Variants in UBN1 observed in about 807,000 individuals in gnomAD.
UBN1 encodes ubinuclein-1.
Under a neutral mutation model 108.5 loss-of-function variants are expected in UBN1, and 17 were observed. That is an observed-to-expected ratio of 0.16 (90% CI 0.11 to 0.24). The LOEUF (loss-of-function observed/expected upper bound fraction) is 0.24, where lower values mean the gene tolerates loss of function less well. Among genes scored for constraint, UBN1 ranks in the 10% least tolerant of loss-of-function variants. UBN1 has a pLI of 1.00. For synonymous variants in UBN1, 726 were observed against 564.2 expected (o/e 1.29, Z -4.07); for missense variants, 1,595 against 1,394.4 (o/e 1.14, Z -2.29).
rs1442073566 is a variant in UBN1 at position 4,874,919 on chromosome 16, T to G, written c.2509T>G (p.Cys837Gly). 6.2e-7 allele frequency: 1 copy of G among 1,614,150 alleles called. No individual in the cohort carries two copies. Among genetic ancestry groups the G allele is most frequent in the East Asian group, 2.2e-5 (1 of 44,884 alleles). ...LQGPKASPTQ[C>G]HRSLLQLVKT... is the part of the protein sequence containing the mutation. ...AGGCCCAAAGGCTTCTCCCACACAGTGTCATCGTTCCCTCCTGCAGTTAGT... is the reference window on the plus strand; with the variant it reads ...AGGCCCAAAGGCTTCTCCCACACAGGGTCATCGTTCCCTCCTGCAGTTAGT... Residue 837 changes from cysteine to glycine, a missense_variant, in exon 15 of 18, where the codon TGT (cysteine) becomes GGT (glycine). Physicochemically the swap from Cys to Gly is radical, Grantham distance 159. Transcript: ENST00000262376.
At position 4,860,802 on chromosome 16, in the gene UBN1, G is replaced by A. The variant is rs187880494; in HGVS notation, c.810G>A (p.Ala270=). ...KKREEEHKPV[A]VPSAEAQGLR... ...GGGAGGAGGAGCATAAGCCTGTTGC[G>A]GTCCCATCAGCGGAAGCTCAGGGCC... is the stretch of plus-strand genomic sequence containing the variant. The change falls in exon 7 of 18, where the codon GCG becomes GCA. Residue 270 remains alanine (A), a synonymous_variant. Coordinates refer to ENST00000262376, the MANE Select transcript of UBN1 (RefSeq NM_001079514.3). 652 of 1,614,270 alleles carry A rather than the reference G, an allele frequency of 4.0e-4. 9 individuals carry two copies. The South Asian group carries it at 6.0e-3, about 15-fold the overall frequency.
At position 4,877,195 on chromosome 16, in the gene UBN1, G is replaced by C; in HGVS notation, c.3265+84G>C. The C allele has an allele frequency of 6.5e-7, 1 of 1,528,102 alleles. No individual in the cohort carries two copies. Among genetic ancestry groups the C allele is most frequent in the African/African-American group, 1.4e-5 (1 of 72,608 alleles). 94.7% of individuals were successfully genotyped at this position (1,528,102 alleles called of 1,614,324 possible). The stretch of plus-strand genomic sequence containing the variant: ...CCTGCTGTTGTGTACTCTGGTTCCT[G>C]TGTTTGAGTCTGGTGTGTGACTGTG... On this transcript the variant is annotated intron_variant, in intron 16 of 17. Coordinates refer to ENST00000262376, the MANE Select transcript of UBN1 (RefSeq NM_001079514.3). This position sits in a 1 kb window ranked among gnomAD's most constrained non-coding sequence, Gnocchi z 4.3.
At chr16:4,876,040 G>A (rs1401040904) in intron 15 of UBN1, among the ~76,000 whole-genome samples, 2 of 150,540 alleles carry the variant, frequency 1.3e-5, no homozygotes, top group African/African-American at 4.9e-5. Context: ...CTCAGCGCAA[G>A]CTCCACCTCC....
At chr16:4,866,797 C>T (rs910034687) in intron 7 of UBN1, among the ~76,000 whole-genome samples, 2 of 152,246 alleles carry the variant, frequency 1.3e-5, no homozygotes, top group African/African-American at 2.4e-5. Flanking sequence ...CAGGTGTGAG[C>T]CACCGCGCCG....
chr16:4,878,116 G>T (rs530646958), intron 17 of UBN1, among the ~76,000 whole-genome samples: 1 of 152,264 alleles, frequency 6.6e-6, no homozygotes, highest in Admixed American at 6.5e-5. Context: ...CAGGCTTGAG[G>T]CTGCTCTGGT....
rs1364308776 is a variant in UBN1, at chr16:4,880,236, T to C, written c.*104T>C. The C allele has an allele frequency of 3.0e-6, 4 of 1,335,302 alleles. No homozygotes were observed. Among genetic ancestry groups the C allele is most frequent in the Non-Finnish European group, 4.3e-6 (4 of 929,692 alleles). 82.7% of individuals were successfully genotyped at this position (1,335,302 alleles called of 1,614,324 possible). ...CGCCCTTTCTGCTGCTTGGTGTTCT[T>C]CTGGAGGAGCGTGAGTTCTCAGCGG... is the stretch of plus-strand genomic sequence containing the variant. On this transcript the variant is annotated 3_prime_UTR_variant, in exon 18 of 18. Transcript: ENST00000262376.
rs1419103160 is a variant in UBN1, at chr16:4,881,542, A to C, written c.*1410A>C. 2.0e-5 allele frequency: 3 copies of C among 152,084 alleles called. No individual in the cohort carries two copies. Among genetic ancestry groups the C allele is most frequent in the African/African-American group, 7.2e-5 (3 of 41,386 alleles). The allele number at this position is 152,084 out of a possible 1,614,324, so 9.4% of individuals were successfully genotyped here. ...TCCTCAGCACATACACCTGTGGGAA[A>C]ACGGACCGCTCTTGGCTCCTGACTC... is the stretch of plus-strand genomic sequence containing the variant. On this transcript the variant is annotated 3_prime_UTR_variant, in exon 18 of 18. Transcript: ENST00000262376.
chr16:4,859,261 G>T (rs2086945136), intron 5 of UBN1, 102 bp downstream of exon 5: 1 of 1,494,264 alleles, frequency 6.7e-7, no homozygotes, highest in Non-Finnish European at 9.0e-7. Context: ...GCCGGCTCAG[G>T]AGGATGGTGG....
At chr16:4,854,944 G>A (rs956594807) in intron 2 of UBN1, among the ~76,000 whole-genome samples, 1 of 151,866 alleles carries the variant, frequency 6.6e-6, no homozygotes, top group Non-Finnish European at 1.5e-5. Context: ...GGATGGTCTC[G>A]ATCTCCTGAC....
intron 1 of UBN1, among the ~76,000 whole-genome samples, chr16:4,848,872 G>T (rs368861729): frequency 6.6e-6 from 1 of 152,266 alleles, no homozygotes; most frequent in Admixed American, 6.5e-5. Flanking sequence ...ATGCCGAGGC[G>T]GGTGGACCAC....
intron 7 of UBN1, among the ~76,000 whole-genome samples, chr16:4,865,254 A>G (rs1291380773): frequency 1.3e-5 from 2 of 152,222 alleles, no homozygotes; most frequent in Non-Finnish European, 2.9e-5. Flanking sequence ...ACCCTCAGAG[A>G]TATTGTCTAT....
At chr16:4,876,020 G>T (rs1334330622) in intron 15 of UBN1, among the ~76,000 whole-genome samples, 1 of 150,340 alleles carries the variant, frequency 6.7e-6, no homozygotes, top group Non-Finnish European at 1.5e-5. Flanking sequence ...GTGCAGTGGC[G>T]CTATCTCGGC....
At chr16:4,872,606 T>C (rs2087701070) in intron 12 of UBN1, among the ~76,000 whole-genome samples, 1 of 152,176 alleles carries the variant, frequency 6.6e-6, no homozygotes. Context: ...GTAGCTGGGA[T>C]TACAGGCGTG....
rs1427282253 is a variant in UBN1 at position 4,868,908 on chromosome 16, G to C, written c.1181+5G>C. 1 of 1,613,498 alleles carries C rather than the reference G, an allele frequency of 6.2e-7. No individual in the cohort carries two copies. The highest frequency in any genetic ancestry group is 1.7e-5 in the Admixed American group (1 of 59,952). On this transcript the variant is annotated splice_donor_5th_base_variant and intron_variant, in intron 8 of 17. Coordinates refer to ENST00000262376, the MANE Select transcript of UBN1 (RefSeq NM_001079514.3). Reference sequence around the variant, plus strand: ...TATTAATGGAATCCTATTAGAGTGAGTATCGTCTGTCTGTCTGTCTGTCTG... The same window carrying C: ...TATTAATGGAATCCTATTAGAGTGACTATCGTCTGTCTGTCTGTCTGTCTG...
chr16:4,855,521 T>G (rs1660977339), intron 2 of UBN1, among the ~76,000 whole-genome samples: 1 of 139,870 alleles, frequency 7.1e-6, no homozygotes, highest in Admixed American at 7.7e-5. Context: ...AAAGCTGAGG[T>G]GGGAGGATTG....
rs1008172053 is a variant in UBN1, at chr16:4,870,987, G to A, written c.1559+15G>A. The A allele has an allele frequency of 3.7e-6, 6 of 1,613,626 alleles. No individual in the cohort carries two copies. The highest frequency in any genetic ancestry group is 5.1e-6 in the Non-Finnish European group (6 of 1,179,806). On this transcript the variant is annotated intron_variant, in intron 11 of 17. Transcript: ENST00000262376. Reference sequence around the variant, plus strand: ...GATGAGATCAGGTGTGCCCACACTGGGACTTGGCCTCTTTGGAGGGTTGGT... The same window carrying A: ...GATGAGATCAGGTGTGCCCACACTGAGACTTGGCCTCTTTGGAGGGTTGGT...
At chr16:4,867,781 A>C (rs2087409152) in intron 7 of UBN1, among the ~76,000 whole-genome samples, 1 of 151,968 alleles carries the variant, frequency 6.6e-6, no homozygotes, top group South Asian at 2.1e-4. Context: ...GATGATGGTG[A>C]GGGGTTAGCA....
rs892061093 is a variant in UBN1, at chr16:4,862,810, C to T, written c.1110+1708C>T. Among the ~76,000 whole-genome samples the T allele has an allele frequency of 8.5e-5, 13 of 152,202 alleles. No homozygotes were observed. The East Asian group carries it at 1.9e-3, about 22-fold the overall frequency. ...AATGTTGGGCTGTGGTGCAAGAAAG[C>T]GGAGCTGAGTAAACACCTTGTTAGG... On this transcript the variant is annotated intron_variant, in intron 7 of 17. Coordinates refer to ENST00000262376, the MANE Select transcript of UBN1 (RefSeq NM_001079514.3).
At chr16:4,863,271 A>C (rs2087157573) in intron 7 of UBN1, among the ~76,000 whole-genome samples, 1 of 152,160 alleles carries the variant, frequency 6.6e-6, no homozygotes, top group Admixed American at 6.5e-5. Flanking sequence ...AAGATGCTTA[A>C]TGCTACTCCG....
Sources: allele counts gnomAD v4.1 joint callset (sites outside exome capture counted in the v4.1 genomes callset), GRCh38; gene constraint gnomAD v4.1.1; non-coding constraint Gnocchi (gnomAD v3.1); transcripts MANE v1.5; gene names NCBI Gene and HGNC (gene_info 2026-07-23, HGNC 2026-07-21).